Variants in CADM2 observed in about 807,000 individuals in gnomAD.
The protein encoded by CADM2 is cell adhesion molecule 2, also known as immunoglobulin superfamily member 4D.
CADM2 carries 12 observed loss-of-function variants against 49.8 expected under a neutral mutation model. The ratio of observed to expected loss-of-function variants is 0.24; its 90% CI spans 0.15 to 0.39. The LOEUF (loss-of-function observed/expected upper bound fraction) is 0.39. Ranked by LOEUF, CADM2 falls within the 10% of genes least tolerant of loss-of-function variation. The probability of loss-of-function intolerance (pLI) is 1.00; values close to 1 mark genes in which losing one functional copy is unlikely to be tolerated. For missense variants in CADM2, 378 were observed against 492.3 expected, an observed-to-expected ratio of 0.77 and a Z score of 2.20; for synonymous variants, 214 against 175.4, an observed-to-expected ratio of 1.22 and a Z score of -1.74.
chr3:85,297,247 A>G (rs569509640), intron 1 of CADM2, among the ~76,000 whole-genome samples: 69 of 152,176 alleles, frequency 4.5e-4, no homozygotes, highest in Non-Finnish European at 7.6e-4. Context: ...CTCTAATACC[A>G]AAACAGAAAC....
chr3:85,264,148 A>G (rs965889308), intron 1 of CADM2, among the ~76,000 whole-genome samples: 3 of 152,096 alleles, frequency 2.0e-5, no homozygotes, highest in African/African-American at 7.2e-5. Context: ...AAATTATGAC[A>G]AGTGGCATTT....
chr3:85,942,322 GT>G (rs11344847), intron 7 of CADM2, among the ~76,000 whole-genome samples: 105,057 of 151,314 alleles, frequency 0.69, 37,906 homozygotes, highest in African/African-American at 0.91. Flanking sequence ...ATGCCAAATT[GT>G]TTTTTTTTGT....
intron 1 of CADM2, among the ~76,000 whole-genome samples, chr3:85,014,432 A>T (rs1164092958): frequency 6.8e-6 from 1 of 147,840 alleles, no homozygotes; most frequent in African/African-American, 2.5e-5. Context: ...ACACATAGGA[A>T]AAAAACATAG....
intron 1 of CADM2, among the ~76,000 whole-genome samples, chr3:85,433,765 G>C (rs183425991): frequency 6.6e-6 from 1 of 152,042 alleles, no homozygotes; most frequent in Non-Finnish European, 1.5e-5. Flanking sequence ...TTAGAGATAC[G>C]AGTCTAACTT....
chr3:85,076,887 G>A (rs376342063), intron 1 of CADM2, among the ~76,000 whole-genome samples: 8 of 152,140 alleles, frequency 5.3e-5, no homozygotes, highest in African/African-American at 1.2e-4. Flanking sequence ...CAGGAGAATC[G>A]CTTGAACCCA....
At chr3:84,960,564 C>T (rs1014913758) in intron 1 of CADM2, 4 of 151,908 alleles carry the variant, frequency 2.6e-5, no homozygotes, top group African/African-American at 9.7e-5. Flanking sequence ...TTTCCTACCT[C>T]TCCATCCTCT....
intron 1 of CADM2, among the ~76,000 whole-genome samples, chr3:85,130,238 A>G (rs999321009): frequency 2.6e-5 from 4 of 152,206 alleles, no homozygotes; most frequent in Non-Finnish European, 4.4e-5. Flanking sequence ...TAAAAACCAA[A>G]TTTTAAATTC....
intron 2 of CADM2, among the ~76,000 whole-genome samples, chr3:85,772,926 T>A (rs1359351056): frequency 6.6e-6 from 1 of 151,954 alleles, no homozygotes; most frequent in Non-Finnish European, 1.5e-5. Flanking sequence ...ATTCTTTTTT[T>A]TGATTCTAGC....
intron 1 of CADM2, among the ~76,000 whole-genome samples, chr3:85,704,428 G>A (rs1577123483): frequency 1.3e-5 from 2 of 152,260 alleles, no homozygotes; most frequent in East Asian, 3.9e-4. Flanking sequence ...GAAGCTGGAA[G>A]ACCAAATTCA....
intron 1 of CADM2, among the ~76,000 whole-genome samples, chr3:85,136,927 G>A (rs1450102530): frequency 6.6e-6 from 1 of 151,856 alleles, no homozygotes; most frequent in Admixed American, 6.6e-5. Flanking sequence ...CATTGTCATA[G>A]GCTGCATTTT....
intron 5 of CADM2, among the ~76,000 whole-genome samples, chr3:85,904,395 C>G (rs1716517064): frequency 6.6e-6 from 1 of 152,238 alleles, no homozygotes; most frequent in South Asian, 2.1e-4. Flanking sequence ...GGCAGCCTGC[C>G]TCTTCTGGAA....
At chr3:85,728,163 T>G (rs1318058148) in intron 2 of CADM2, among the ~76,000 whole-genome samples, 1 of 152,180 alleles carries the variant, frequency 6.6e-6, no homozygotes, top group Non-Finnish European at 1.5e-5. Flanking sequence ...TAAATTATAT[T>G]ACAGGTATCT....
intron 1 of CADM2, among the ~76,000 whole-genome samples, chr3:85,478,363 G>A (rs2039068908): frequency 6.6e-6 from 1 of 151,958 alleles, no homozygotes; most frequent in Non-Finnish European, 1.5e-5. Flanking sequence ...GGAAAAATAA[G>A]TGCCATTATT....
At chr3:85,967,202 A>G (rs1360406094) in intron 8 of CADM2, among the ~76,000 whole-genome samples, 1 of 151,660 alleles carries the variant, frequency 6.6e-6, no homozygotes. Flanking sequence ...GTTTTCAGAG[A>G]CTGTAGGTAA....
intron 1 of CADM2, among the ~76,000 whole-genome samples, chr3:85,037,405 C>T (rs1344821416): frequency 6.6e-6 from 1 of 152,150 alleles, no homozygotes; most frequent in East Asian, 1.9e-4. Context: ...TGTGTGGTTG[C>T]CCAAAGTTCA....
chr3:85,782,893 C>T (rs2070744476), intron 2 of CADM2, among the ~76,000 whole-genome samples: 1 of 152,078 alleles, frequency 6.6e-6, no homozygotes, highest in Admixed American at 6.6e-5. Flanking sequence ...GAAGGAACAG[C>T]TACATTTAAT....
At chr3:85,623,002 C>T (rs2064021523) in intron 1 of CADM2, among the ~76,000 whole-genome samples, 1 of 151,878 alleles carries the variant, frequency 6.6e-6, no homozygotes, top group Admixed American at 6.6e-5. Context: ...TGGGAGAGGC[C>T]AAGGCAAATT....
At position 85,147,275 on chromosome 3, in the gene CADM2, CAAAAAAAAAAAAAA is replaced by C. The variant is rs759888985; in HGVS notation, c.61+187624_61+187637del. 1.2e-3 allele frequency among the ~76,000 whole-genome samples: 53 copies of C among 46,010 alleles called. 1 individual carries two copies. Among genetic ancestry groups the C allele is most frequent in the African/African-American group, 2.6e-3 (52 of 19,992 alleles). The allele number at this position is 46,010 out of a possible 152,430, so 30.2% of individuals were successfully genotyped here. On this transcript the variant is annotated intron_variant, in intron 1 of 9. Coordinates refer to ENST00000383699, the MANE Select transcript of CADM2 (RefSeq NM_001167675.2). The stretch of plus-strand genomic sequence containing the variant: ...TGGGCGACAGAGCCAGACTCTGTCT[CAAAAAAAAAAAAAA>C]AAAAAAAAAAAAAAAAGACAACATG...
At chr3:85,109,461 T>C (rs892479224) in intron 1 of CADM2, among the ~76,000 whole-genome samples, 4 of 151,498 alleles carry the variant, frequency 2.6e-5, no homozygotes, top group Non-Finnish European at 5.9e-5. Context: ...GGGGGGGAAA[T>C]AGTAAAGACT....
Sources: gnomAD v4.1 joint callset for allele counts (sites outside exome capture counted in the v4.1 genomes callset) on GRCh38, gnomAD v4.1.1 for gene constraint, MANE v1.5 for transcripts, NCBI Gene and HGNC (gene_info 2026-07-23, HGNC 2026-07-21) for gene names.